The following ZFAND3 variants were observed in gnomAD, a reference collection of about 807,000 sequenced individuals.
ZFAND3 encodes the protein zinc finger AN1-type containing 3.
A neutral mutation model predicts 29.6 loss-of-function variants in ZFAND3; 10 were observed. The observed-to-expected ratio is 0.34, with a 90% CI of 0.21 to 0.57. ZFAND3 has a LOEUF of 0.57. Among genes scored for constraint, ZFAND3 ranks in the 20% least tolerant of loss-of-function variants. The pLI is 0.86. For synonymous variants in ZFAND3, 128 were observed against 112.6 expected (o/e 1.14, Z -0.87); for missense variants, 230 against 304.5 (o/e 0.76, Z 1.82).
At chr6:38,145,890 C>G (rs1562017002) in intron 5 of ZFAND3, among the ~76,000 whole-genome samples, 1 of 152,222 alleles carries the variant, frequency 6.6e-6, no homozygotes, top group African/African-American at 2.4e-5. Flanking sequence ...CCCTGCCTCT[C>G]TATTCCGGGT....
Position 37,977,828 on chromosome 6 carries a change from T to TTTTCTTTCTTCC in ZFAND3, c.112+47831_112+47832insTCTTTCTTCCTT, listed in dbSNP as rs70981515. The stretch of plus-strand genomic sequence containing the variant: ...TGAATGTTGAATTTTGTAAAATGCT[T>TTTTCTTTCTTCC]TTCCTTCCTTCCTTCCTTCCTTCCT... On this transcript the variant is annotated intron_variant, in intron 2 of 5. Transcript: ENST00000287218. 9.9e-4 allele frequency among the ~76,000 whole-genome samples: 76 copies of TTTTCTTTCTTCC among 76,434 alleles called. 6 individuals are homozygous for TTTTCTTTCTTCC. The highest frequency in any genetic ancestry group is 1.5e-3 in the Non-Finnish European group (57 of 38,868). 50.1% of individuals were successfully genotyped at this position (76,434 alleles called of 152,430 possible).
intron 2 of ZFAND3, among the ~76,000 whole-genome samples, chr6:37,953,363 TTA>T (rs1410094225): frequency 6.6e-6 from 1 of 151,994 alleles, no homozygotes. Context: ...GGTATAAACT[TTA>T]TAATAATATA....
chr6:38,116,193 A>G (rs1335116851), intron 4 of ZFAND3, among the ~76,000 whole-genome samples: 1 of 152,238 alleles, frequency 6.6e-6, no homozygotes, highest in East Asian at 1.9e-4. Context: ...ATGCCCAAGA[A>G]AAGATATCTA....
chr6:38,116,521 C>G (rs772525604), intron 4 of ZFAND3, 51 bp from the exon 5 acceptor site: 1 of 1,558,656 alleles, frequency 6.4e-7, no homozygotes, highest in Non-Finnish European at 8.7e-7. Context: ...ATCAACTGTG[C>G]TTGCCAGGCC....
At chr6:38,039,250 A>G (rs1051684044) in intron 2 of ZFAND3, among the ~76,000 whole-genome samples, 1 of 152,216 alleles carries the variant, frequency 6.6e-6, no homozygotes, top group Non-Finnish European at 1.5e-5. Context: ...GACCGTAAGT[A>G]TTATTTGGAA....
At chr6:37,925,366 T>C (rs183524638) in intron 1 of ZFAND3, among the ~76,000 whole-genome samples, 14 of 152,232 alleles carry the variant, frequency 9.2e-5, no homozygotes, top group Non-Finnish European at 2.9e-5. Context: ...TAATGCATCT[T>C]GCTGAGTGTT....
At chr6:37,994,506 G>A (rs1420862797) in intron 2 of ZFAND3, among the ~76,000 whole-genome samples, 1 of 152,182 alleles carries the variant, frequency 6.6e-6, no homozygotes, top group African/African-American at 2.4e-5. Context: ...ATAGTAGAAT[G>A]ACTAATTATG....
At chr6:38,056,345 T>A (rs1764134359) in intron 2 of ZFAND3, among the ~76,000 whole-genome samples, 1 of 152,184 alleles carries the variant, frequency 6.6e-6, no homozygotes, top group Non-Finnish European at 1.5e-5. Context: ...AATTAATTTG[T>A]TTTCAATGAG....
chr6:37,831,735 G>C (rs568261301), intron 1 of ZFAND3, among the ~76,000 whole-genome samples: 1 of 152,298 alleles, frequency 6.6e-6, no homozygotes, highest in African/African-American at 2.4e-5. Context: ...TGTACAGAGA[G>C]GCACAGAGGA....
At chr6:37,912,071 T>TGTGTGA (rs1260628226) in intron 1 of ZFAND3, among the ~76,000 whole-genome samples, 14 of 142,352 alleles carry the variant, frequency 9.8e-5, no homozygotes, top group African/African-American at 3.3e-4. Context: ...TGTGTGTGTG[T>TGTGTGA]GATGGTGTAG....
chr6:38,103,464 CACGTGTATATATATACACACATATAT>C (rs1765142388), intron 4 of ZFAND3, among the ~76,000 whole-genome samples: 2 of 142,660 alleles, frequency 1.4e-5, no homozygotes, highest in African/African-American at 5.1e-5. Context: ...CACATATATA[CACGTGTATATATATACACACATATAT>C]ACACGTGTAT....
intron 2 of ZFAND3, among the ~76,000 whole-genome samples, chr6:37,946,922 G>A (rs908264996): frequency 6.6e-6 from 1 of 152,076 alleles, no homozygotes; most frequent in African/African-American, 2.4e-5. Flanking sequence ...AAGTCAATTT[G>A]GGAAGATGAA....
chr6:37,840,565 ATCAGCTTGTCAGCTTG>A lies in ZFAND3; in HGVS notation c.71+20558_71+20573del, dbSNP rs562744575. ...TCCTTTGAAATTACATATGAATTTC[ATCAGCTTGTCAGCTTG>A]TCAGCTTGATCAGCTTGTCAGCTTC... On this transcript the variant is annotated intron_variant, in intron 1 of 5. Transcript: ENST00000287218. 5.9e-5 allele frequency among the ~76,000 whole-genome samples: 9 copies of A among 152,336 alleles called. No homozygotes were observed. The East Asian group carries it at 9.7e-4, about 16-fold the overall frequency.
chr6:37,864,592 A>T (rs999078565), intron 1 of ZFAND3, among the ~76,000 whole-genome samples: 1 of 152,154 alleles, frequency 6.6e-6, no homozygotes, highest in Non-Finnish European at 1.5e-5. Context: ...ACATGATGAG[A>T]AATGTTTAGG....
chr6:37,839,638 C>G (rs899097284), intron 1 of ZFAND3, among the ~76,000 whole-genome samples: 2 of 151,922 alleles, frequency 1.3e-5, no homozygotes, highest in Non-Finnish European at 2.9e-5. Flanking sequence ...CCTCAGCCTC[C>G]CGAGTAGCTG....
chr6:38,149,178 C>T (rs1401710469), intron 5 of ZFAND3, among the ~76,000 whole-genome samples: 3 of 151,798 alleles, frequency 2.0e-5, no homozygotes, highest in Admixed American at 6.6e-5. Context: ...AAGGTCAAGG[C>T]GGGAGGAATG....
intron 1 of ZFAND3, among the ~76,000 whole-genome samples, chr6:37,905,986 C>T (rs1765399442): frequency 6.6e-6 from 1 of 152,020 alleles, no homozygotes; most frequent in Non-Finnish European, 1.5e-5. Context: ...TAATTAAGTT[C>T]AAGTTAAAAA....
At chr6:38,028,068 T>G (rs1038754422) in intron 2 of ZFAND3, among the ~76,000 whole-genome samples, 1 of 152,236 alleles carries the variant, frequency 6.6e-6, no homozygotes, top group Non-Finnish European at 1.5e-5. Flanking sequence ...ATTTGGAATT[T>G]GTCTTCAGTT....
At chr6:38,120,031 G>A (rs772064846) in intron 5 of ZFAND3, among the ~76,000 whole-genome samples, 1 of 152,132 alleles carries the variant, frequency 6.6e-6, no homozygotes, top group Non-Finnish European at 1.5e-5. Context: ...ATTAGAAAAG[G>A]CATGTGGTTG....
Sources: gnomAD v4.1 joint callset for allele counts (sites outside exome capture counted in the v4.1 genomes callset) on GRCh38, gnomAD v4.1.1 for gene constraint, MANE v1.5 for transcripts, NCBI Gene and HGNC (gene_info 2026-07-23, HGNC 2026-07-21) for gene names.